Variants in POC1B observed in about 807,000 individuals in gnomAD.
POC1B encodes POC1 centriolar protein homolog B.
POC1B carries 44 observed loss-of-function variants against 60.6 expected under a neutral mutation model. The ratio of observed to expected loss-of-function variants is 0.73; its 90% CI spans 0.57 to 0.93. The LOEUF is 0.93. POC1B is among the 40% of genes least tolerant of loss of function. The pLI is 0.00. For missense variants in POC1B, 555 were observed against 572.3 expected (o/e 0.97, Z 0.31); for synonymous variants, 180 against 198.9 (o/e 0.90, Z 0.80).
chr12:89,450,561 AGGAAAATG>A (rs1881999458), intron 10 of POC1B, among the ~76,000 whole-genome samples: 1 of 152,194 alleles, frequency 6.6e-6, no homozygotes, highest in Non-Finnish European at 1.5e-5. Flanking sequence ...AATGAACAAT[AGGAAAATG>A]GGCAAAGTAC....
At chr12:89,471,577 A>AT in intron 6 of POC1B, 37 bp downstream of exon 6, 4 of 1,499,934 alleles carry the variant, frequency 2.7e-6, no homozygotes, top group Non-Finnish European at 2.8e-6. Flanking sequence ...AAAGGAGTCC[A>AT]TTCGGTAACT....
chr12:89,474,274 T>C (rs1269107605), intron 4 of POC1B, among the ~76,000 whole-genome samples: 6 of 152,124 alleles, frequency 3.9e-5, no homozygotes, highest in Non-Finnish European at 4.4e-5. Flanking sequence ...ACTAAGCTTC[T>C]TTTTAAAAAA....
chr12:89,521,694 T>G (rs558058196), intron 2 of POC1B: 2 of 258,688 alleles, frequency 7.7e-6, no homozygotes, highest in African/African-American at 4.4e-5. Flanking sequence ...AGCCATTCAT[T>G]CATTCATTCA....
rs558129923 is a variant in POC1B at position 89,510,542 on chromosome 12, C to G, written c.101-13200G>C. 2.6e-5 allele frequency among the ~76,000 whole-genome samples: 4 copies of G among 152,256 alleles called. No individual in the cohort carries two copies. In the South Asian group the frequency reaches 6.2e-4, roughly 24 times the overall value. ...TCTCTGCTGTGCAGCAGGAAAAGTG[C>G]TCCCAGGAAGAAAGCCAAGGAGATC... On this transcript the variant is annotated intron_variant, in intron 2 of 11. Coordinates refer to ENST00000313546, the MANE Select transcript of POC1B (RefSeq NM_172240.3).
At chr12:89,463,445 T>A (rs1187468822) in intron 9 of POC1B, among the ~76,000 whole-genome samples, 1 of 148,518 alleles carries the variant, frequency 6.7e-6, no homozygotes, top group Non-Finnish European at 1.5e-5. Context: ...ACACACACAC[T>A]GAAGGAAAGT....
the POC1B span, among the ~76,000 whole-genome samples, chr12:89,409,541 AATAG>A: frequency 5.9e-5 from 9 of 152,272 alleles, no homozygotes; most frequent in African/African-American, 1.9e-4. Context: ...TATCATATAA[AATAG>A]ATAGACCGCT....
chr12:89,463,225 G>GAATAAAAT (rs1882542270), intron 9 of POC1B, among the ~76,000 whole-genome samples: 1 of 152,070 alleles, frequency 6.6e-6, no homozygotes, highest in Admixed American at 6.6e-5. Flanking sequence ...ATAAAAAACT[G>GAATAAAAT]AAAGCCATCA....
chr12:89,412,249 G>A, the POC1B span, among the ~76,000 whole-genome samples: 1 of 151,998 alleles, frequency 6.6e-6, no homozygotes, highest in Non-Finnish European at 1.5e-5. Flanking sequence ...TCTTTCTCCT[G>A]GCCACAGAAG....
intron 10 of POC1B, among the ~76,000 whole-genome samples, chr12:89,447,699 G>A (rs571773310): frequency 6.6e-6 from 1 of 152,164 alleles, no homozygotes; most frequent in East Asian, 1.9e-4. Flanking sequence ...TTTACCTGAT[G>A]CTAGATGTCA....
chr12:89,507,773 C>T (rs1869975986), intron 2 of POC1B, among the ~76,000 whole-genome samples: 1 of 152,150 alleles, frequency 6.6e-6, no homozygotes, highest in South Asian at 2.1e-4. Context: ...TCCAAATGGC[C>T]ACCCGTCTTT....
intron 4 of POC1B, chr12:89,485,271 C>A (rs1310639005): frequency 1.3e-5 from 2 of 152,218 alleles, no homozygotes; most frequent in African/African-American, 4.8e-5. Context: ...ACAAAACACT[C>A]TGGGAGGCTG....
At chr12:89,497,447 G>T in intron 2 of POC1B, 105 bp from the exon 3 acceptor site, 1 of 1,196,984 alleles carries the variant, frequency 8.4e-7, no homozygotes, top group South Asian at 1.5e-5. Context: ...CCAGGTAATA[G>T]AGCGGCTGGA....
intron 10 of POC1B, among the ~76,000 whole-genome samples, chr12:89,450,389 G>A (rs892446564): frequency 1.3e-5 from 2 of 152,124 alleles, no homozygotes; most frequent in Admixed American, 1.3e-4. Context: ...TATATTTTTA[G>A]TAGAGACAGG....
At chr12:89,427,062 A>T (rs1443279157) in intron 10 of POC1B, 1 of 152,212 alleles carries the variant, frequency 6.6e-6, no homozygotes, top group Non-Finnish European at 1.5e-5. Flanking sequence ...TAAAACTCAT[A>T]TGGAAATGCA....
chr12:89,433,659 G>A (rs986741195), intron 10 of POC1B, among the ~76,000 whole-genome samples: 3 of 152,190 alleles, frequency 2.0e-5, no homozygotes, highest in Admixed American at 6.5e-5. Context: ...TGGGGCTGAC[G>A]AATTACCAAA....
At chr12:89,493,383 C>T (rs1869080708) in intron 3 of POC1B, among the ~76,000 whole-genome samples, 1 of 152,216 alleles carries the variant, frequency 6.6e-6, no homozygotes, top group African/African-American at 2.4e-5. Context: ...GAACTCAATA[C>T]ACGTTGAATT....
Position 89,525,966 on chromosome 12 carries a change from G to A in POC1B, c.-71C>T, listed in dbSNP as rs766771626. ...AGAGGGGAGGGGAGAGGATGGGGAA[G>A]GAGAGGGGACCGTGCGGCTCCCGGA... On this transcript the variant is annotated 5_prime_UTR_variant, in exon 1 of 12. Coordinates refer to ENST00000313546, the MANE Select transcript of POC1B (RefSeq NM_172240.3). 1 of 1,545,040 alleles carries A rather than the reference G, an allele frequency of 6.5e-7. No individual in the cohort carries two copies. Among genetic ancestry groups the A allele is most frequent in the East Asian group, 2.5e-5 (1 of 40,698 alleles).
chr12:89,503,761 G>C (rs1332013558), intron 2 of POC1B, among the ~76,000 whole-genome samples: 32 of 107,408 alleles, frequency 3.0e-4, no homozygotes, highest in African/African-American at 1.1e-3. Flanking sequence ...CCCTCCGCCC[G>C]GCAGCCGCCC....
chr12:89,475,268 A>G (rs1883057662), intron 4 of POC1B, among the ~76,000 whole-genome samples: 1 of 152,166 alleles, frequency 6.6e-6, no homozygotes, highest in Admixed American at 6.5e-5. Flanking sequence ...TAGCTGGGAG[A>G]AATTTCCCAG....
Sources: gnomAD v4.1 joint callset for allele counts (sites outside exome capture counted in the v4.1 genomes callset) on GRCh38, gnomAD v4.1.1 for gene constraint, MANE v1.5 for transcripts, NCBI Gene and HGNC (gene_info 2026-07-23, HGNC 2026-07-21) for gene names.